The following UMOD variants were observed in gnomAD, a reference collection of about 807,000 sequenced individuals.
UMOD encodes the protein uromodulin, also known as Tamm-Horsfall urinary glycoprotein.
Under a neutral mutation model 66.0 loss-of-function variants are expected in UMOD, and 64 were observed. That is an observed-to-expected ratio of 0.97 (90% CI 0.79 to 1.19). The LOEUF is 1.19. UMOD is among the 50% of genes most tolerant of loss of function. UMOD has a pLI of 0.00. For synonymous variants in UMOD, 398 were observed against 352.7 expected, an observed-to-expected ratio of 1.13 and a Z score of -1.44; for missense variants, 764 against 850.9, an observed-to-expected ratio of 0.90 and a Z score of 1.27.
chr16:20,337,409 C>G lies in UMOD; in HGVS notation c.1622G>C (p.Gly541Ala). 1 of 1,614,128 alleles carries G rather than the reference C, an allele frequency of 6.2e-7. No individual in the cohort carries two copies. Among genetic ancestry groups the G allele is most frequent in the Non-Finnish European group, 8.5e-7 (1 of 1,180,026 alleles). Residue 541 changes from glycine (G) to alanine (A), a missense_variant, in exon 8 of 11, where the codon GGG becomes GCG. Physicochemically the swap from Gly to Ala is moderately conservative, Grantham distance 60. Transcript: ENST00000396138. ...GGAAAATCGGCCCTGGGAGGACTCC[C>G]CATTCTCCACCACTTGGATAGTTGA... ...RDSTIQVVEN[G>A]ESSQGRFSVQ...
intron 7 of UMOD, among the ~76,000 whole-genome samples, chr16:20,339,736 TA>T (rs1965081960): frequency 6.6e-6 from 1 of 152,266 alleles, no homozygotes; most frequent in African/African-American, 2.4e-5. Context: ...ATTAACATAC[TA>T]TATATTTCAC....
At chr16:20,336,604 C>T (rs1378873543) in intron 9 of UMOD, 42 bp downstream of exon 9, 4 of 1,592,830 alleles carry the variant, frequency 2.5e-6, no homozygotes, top group Non-Finnish European at 3.4e-6. Flanking sequence ...CTCCAGAAAT[C>T]TTTCCCAGCC....
intron 7 of UMOD, among the ~76,000 whole-genome samples, chr16:20,340,410 C>T (rs1318016500): frequency 6.7e-6 from 1 of 150,234 alleles, no homozygotes; most frequent in Non-Finnish European, 1.5e-5. Flanking sequence ...AAAAAAAAGA[C>T]ATTTGAAATA....
intron 8 of UMOD, 107 bp from the exon 9 acceptor site, chr16:20,336,834 G>T (rs558826745): frequency 2.9e-5 from 29 of 1,010,994 alleles, no homozygotes; most frequent in Non-Finnish European, 4.4e-5. Flanking sequence ...CTTGCCCCAG[G>T]CAGAAGTTGT....
intron 2 of UMOD, chr16:20,349,793 A>G (rs1179451734): frequency 6.5e-7 from 1 of 1,549,782 alleles, no homozygotes; most frequent in East Asian, 2.4e-5. Flanking sequence ...TGAAATCTTC[A>G]TCAGGACCCT....
intron 10 of UMOD, among the ~76,000 whole-genome samples, chr16:20,334,265 T>C (rs1964755909): frequency 6.6e-6 from 1 of 152,024 alleles, no homozygotes; most frequent in Non-Finnish European, 1.5e-5. Context: ...GCACTAAGCA[T>C]GGTTCTTGGC....
At chr16:20,335,338 T>C in intron 10 of UMOD, 144 bp downstream of exon 10, 1 of 782,762 alleles carries the variant, frequency 1.3e-6, no homozygotes, top group Non-Finnish European at 2.2e-6. Flanking sequence ...CCACTCAGGT[T>C]CTCTGAGCCA....
upstream of UMOD, chr16:20,352,921 G>T: frequency 2.5e-6 from 1 of 405,366 alleles, no homozygotes. Flanking sequence ...GATTGACATT[G>T]GGGGGTCACA....
chr16:20,339,978 C>T (rs1965096543), intron 7 of UMOD, among the ~76,000 whole-genome samples: 1 of 151,960 alleles, frequency 6.6e-6, no homozygotes. Flanking sequence ...TTCAATTGGC[C>T]CTTGGCTAAC....
At position 20,352,396 on chromosome 16, in the gene UMOD, G is replaced by T. The variant is rs150136463; in HGVS notation, c.-103+293C>A. 5 of 323,864 alleles carry T rather than the reference G, an allele frequency of 1.5e-5. No homozygotes were observed. In the East Asian group the frequency reaches 2.4e-4, roughly 15 times the overall value. 20.1% of individuals were successfully genotyped at this position (323,864 alleles called of 1,614,324 possible). On this transcript the variant is annotated intron_variant, in intron 1 of 10. Transcript: ENST00000396138. ...AACTAAGATGACATATGTCGAGCAG[G>T]GCCCAGCACATAGCAAGTTGTTCAT...
At chr16:20,351,187 T>A (rs1438784780) in intron 1 of UMOD, 1 of 253,126 alleles carries the variant, frequency 4.0e-6, no homozygotes, top group Non-Finnish European at 7.8e-6. Flanking sequence ...AACTTTCAAT[T>A]TGCCTGGATC....
rs980664734 is a variant in UMOD, at chr16:20,337,419, C to T, written c.1612G>A (p.Val538Met). The change falls in exon 8 of 11, where the codon GTG becomes ATG. Residue 538 changes from valine (V) to methionine (M), a missense_variant. Physicochemically the swap from Val to Met is conservative, Grantham distance 21 (BLOSUM62 1). Transcript: ENST00000396138. ...PHTRDSTIQVVENGESSQGRF... is the reference protein window; with the variant it reads ...PHTRDSTIQVMENGESSQGRF... ...CCCTGGGAGGACTCCCCATTCTCCA[C>T]CACTTGGATAGTTGAGTCTCTAGTG... 6 of 1,614,068 alleles carry T rather than the reference C, an allele frequency of 3.7e-6. No homozygotes were observed. In the African/African-American group the frequency reaches 6.7e-5, roughly 18 times the overall value.
At chr16:20,349,610 C>T (rs1182543869) in intron 2 of UMOD, 7 of 1,398,116 alleles carry the variant, frequency 5.0e-6, no homozygotes, top group Non-Finnish European at 6.6e-6. Flanking sequence ...GCAATCGCGC[C>T]CAGCTCCACC....
chr16:20,336,815 G>T, intron 8 of UMOD, 88 bp from the exon 9 acceptor site: 2 of 1,240,752 alleles, frequency 1.6e-6, no homozygotes, highest in Non-Finnish European at 2.3e-6. Flanking sequence ...CACCTCACAG[G>T]TGCCTTCCCT....
intron 5 of UMOD, 24 bp from the exon 6 acceptor site, chr16:20,344,196 G>A: frequency 2.1e-6 from 3 of 1,463,198 alleles, no homozygotes; most frequent in Non-Finnish European, 1.9e-6. Context: ...TGGGGGTGGA[G>A]GGGGGGTGGG....
rs2141647791 is a variant in UMOD at position 20,341,139 on chromosome 16, G to C, written c.1529C>G (p.Pro510Arg). The change falls in exon 7 of 11, where the codon CCC (proline) becomes CGC (arginine). Residue 510 changes from proline to arginine, a missense_variant. Pro to Arg is a moderately radical substitution (Grantham distance 103). Coordinates refer to ENST00000396138, the MANE Select transcript of UMOD (RefSeq NM_003361.4). ...ALLMTNCYAT[P>R]SSNATDPLKY... ...CAGGGGGTCCGTGGCATTGCTACTGGGTGTGGCATAGCAGTTGGTCATGAG... is the reference window on the plus strand; with the variant it reads ...CAGGGGGTCCGTGGCATTGCTACTGCGTGTGGCATAGCAGTTGGTCATGAG... The C allele has an allele frequency of 6.2e-7, 1 of 1,614,132 alleles. No individual in the cohort carries two copies. The highest frequency in any genetic ancestry group is 1.6e-4 in the Middle Eastern group (1 of 6,062).
At chr16:20,340,955 T>G in intron 7 of UMOD, 136 bp downstream of exon 7, 1 of 1,002,128 alleles carries the variant, frequency 1.0e-6, no homozygotes, top group Admixed American at 2.2e-5. Flanking sequence ...GGTCACACCA[T>G]TGCACTCCAA....
chr16:20,337,297 G>T lies in UMOD; in HGVS notation c.1734C>A (p.Cys578Ter), dbSNP rs772678544. The change falls in exon 8 of 11, where the codon TGC (cysteine) becomes TGA (stop). Residue 578 changes from cysteine (C) to a stop codon, truncating the protein, a stop_gained. Coordinates refer to ENST00000396138, the MANE Select transcript of UMOD (RefSeq NM_003361.4). LOFTEE classifies it high-confidence loss of function. The part of the protein sequence containing the change: ...VYLCDTMNEK[C>*]KPTCSGTRFR... Reference sequence around the variant, plus strand: ...GGGAGGGGAGTCAACTCACAGGCTTGCACTTTTCATTCATGGTGTCACAGA... The same window carrying T: ...GGGAGGGGAGTCAACTCACAGGCTTTCACTTTTCATTCATGGTGTCACAGA... 3 of 1,614,060 alleles carry T rather than the reference G, an allele frequency of 1.9e-6. No homozygotes were observed. The African/African-American group carries it at 4.0e-5, about 22-fold the overall frequency.
rs1266160495 is a variant in UMOD at position 20,346,236 on chromosome 16, A to G, written c.1072T>C (p.Phe358Leu). 2 of 1,614,256 alleles carry G rather than the reference A, an allele frequency of 1.2e-6. No homozygotes were observed. The highest frequency in any genetic ancestry group is 1.7e-6 in the Non-Finnish European group (2 of 1,180,046). Residue 358 changes from phenylalanine to leucine, a missense_variant, in exon 5 of 11, where the codon TTC (phenylalanine) becomes CTC (leucine). Coordinates refer to ENST00000396138, the MANE Select transcript of UMOD (RefSeq NM_003361.4). ...QLKSLGFDKV[F>L]MYLSDSRCSG... ...CACCGGCTGTCACTCAGGTACATGA[A>G]GACCTTGTCGAAGCCCAGACTCTTC...
Sources: gnomAD v4.1 joint callset for allele counts (sites outside exome capture counted in the v4.1 genomes callset) on GRCh38, gnomAD v4.1.1 for gene constraint, MANE v1.5 for transcripts, NCBI Gene and HGNC (gene_info 2026-07-23, HGNC 2026-07-21) for gene names.